The following ERI3 variants were observed in gnomAD, a reference collection of about 807,000 sequenced individuals.
ERI3 encodes ERI1 exoribonuclease family member 3.
ERI3 carries 18 observed loss-of-function variants against 44.4 expected under a neutral mutation model. The observed-to-expected ratio is 0.41, with a 90% CI of 0.28 to 0.60. ERI3 has a LOEUF of 0.60. Ranked by LOEUF, ERI3 falls within the 20% of genes least tolerant of loss-of-function variation. The pLI, the probability that ERI3 is intolerant of heterozygous loss-of-function variation, is 0.36. For synonymous variants in ERI3, 183 were observed against 164.8 expected, an observed-to-expected ratio of 1.11 and a Z score of -0.84; for missense variants, 294 against 435.5, an observed-to-expected ratio of 0.68 and a Z score of 2.89.
rs1646709018 is a variant in ERI3 at position 44,342,857 on chromosome 1, A to ATATT, written c.212-3536_212-3535insAATA. 9.9e-4 allele frequency among the ~76,000 whole-genome samples: 19 copies of ATATT among 19,170 alleles called. 1 individual carries two copies. The highest frequency in any genetic ancestry group is 1.5e-3 in the Non-Finnish European group (17 of 11,082). The allele number at this position is 19,170 out of a possible 152,430, so 12.6% of individuals were successfully genotyped here. A position where few individuals can be genotyped will look rare whatever the true frequency, so the allele number is the denominator to read the frequency against. On this transcript the variant is annotated intron_variant, in intron 2 of 8. Coordinates refer to ENST00000372257, the MANE Select transcript of ERI3 (RefSeq NM_024066.3). ...TATATATATATATATATATATATATATTTTTTTTTTTTTTTTTTTTTTTTT... is the reference window on the plus strand; with the variant it reads ...TATATATATATATATATATATATATATATTTTTTTTTTTTTTTTTTTTTTTTTTT...
chr1:44,229,588 G>C (rs1213564575), intron 8 of ERI3, among the ~76,000 whole-genome samples: 9 of 152,142 alleles, frequency 5.9e-5, no homozygotes, highest in Admixed American at 5.9e-4. Context: ...GTGCGGGCAG[G>C]ACCTGAGAGG....
At chr1:44,309,378 C>A (rs912761601) in intron 5 of ERI3, among the ~76,000 whole-genome samples, 2 of 151,902 alleles carry the variant, frequency 1.3e-5, no homozygotes, top group African/African-American at 4.8e-5. Context: ...GCCTGTAATC[C>A]CAGCTACTTG....
In ERI3 at chr1:44,241,839, C is replaced by A; in HGVS notation, c.931+6100G>T. The A allele has an allele frequency of 2.6e-6, 1 of 380,398 alleles. No homozygotes were observed. The highest frequency in any genetic ancestry group is 2.2e-5 in the African/African-American group (1 of 45,622). The allele number at this position is 380,398 out of a possible 1,614,324, so 23.6% of individuals were successfully genotyped here. Reference sequence around the variant, plus strand: ...ACATACATACATACATACATACATACATACATACATACAGGAGAACCTTCT... The same window carrying A: ...ACATACATACATACATACATACATAAATACATACATACAGGAGAACCTTCT... On this transcript the variant is annotated intron_variant, in intron 8 of 8. Transcript: ENST00000372257. The surrounding 1 kb of genome is among the most constrained non-coding windows in gnomAD (Gnocchi z 5.6).
intron 3 of ERI3, among the ~76,000 whole-genome samples, chr1:44,325,574 T>C (rs867102014): frequency 6.6e-5 from 10 of 152,318 alleles, no homozygotes; most frequent in South Asian, 6.2e-4. Flanking sequence ...AATTTGAAGA[T>C]AGAATAACAA....
chr1:44,353,221 T>C lies in ERI3; in HGVS notation c.136-296A>G, dbSNP rs953098531. On this transcript the variant is annotated intron_variant, in intron 1 of 8. Transcript: ENST00000372257. ...CCTCTGGGTAGTTTCAGAATCCTAG[T>C]CTAGTCAAGGAGGAAGACACTGGTA... The C allele has an allele frequency of 2.3e-5, 23 of 984,684 alleles. 1 individual carries two copies. Among genetic ancestry groups the C allele is most frequent in the Non-Finnish European group, 2.3e-5 (19 of 829,790 alleles). The allele number at this position is 984,684 out of a possible 1,614,324, so 61.0% of individuals were successfully genotyped here. A position where few individuals can be genotyped will look rare whatever the true frequency, so the allele number is the denominator to read the frequency against.
At chr1:44,258,249 C>T (rs936555637) in intron 7 of ERI3, among the ~76,000 whole-genome samples, 1 of 152,196 alleles carries the variant, frequency 6.6e-6, no homozygotes, top group Admixed American at 6.5e-5. Flanking sequence ...AAAGGAGACA[C>T]TAATAGCAGT....
Position 44,241,563 on chromosome 1 carries a change from C to T in ERI3, c.931+6376G>A, listed in dbSNP as rs1221217382. Among the ~76,000 whole-genome samples, 1 of 152,104 alleles carries T rather than the reference C, an allele frequency of 6.6e-6. No individual in the cohort carries two copies. The highest frequency in any genetic ancestry group is 1.5e-5 in the Non-Finnish European group (1 of 68,018). On this transcript the variant is annotated intron_variant, in intron 8 of 8. Transcript: ENST00000372257. The surrounding 1 kb of genome is among the most constrained non-coding windows in gnomAD (Gnocchi z 5.6). ...GGTCCTGCCAGATGGATGCAATTTGCATAATATCAGCAGTGGAGGCTGCAA... is the reference window on the plus strand; with the variant it reads ...GGTCCTGCCAGATGGATGCAATTTGTATAATATCAGCAGTGGAGGCTGCAA...
intron 7 of ERI3, among the ~76,000 whole-genome samples, chr1:44,248,824 T>C (rs1034113610): frequency 1.3e-5 from 2 of 152,014 alleles, no homozygotes; most frequent in Admixed American, 6.5e-5. Context: ...TTCCTGGGGT[T>C]GGGGAAGGAA....
chr1:44,340,674 T>C (rs1377184907), intron 2 of ERI3, among the ~76,000 whole-genome samples: 1 of 152,054 alleles, frequency 6.6e-6, no homozygotes, highest in African/African-American at 2.4e-5. Context: ...GTGTAGGTCC[T>C]CAATTTCCCT....
chr1:44,234,829 G>T (rs982162328), intron 8 of ERI3, among the ~76,000 whole-genome samples: 1 of 151,818 alleles, frequency 6.6e-6, no homozygotes, highest in East Asian at 2.0e-4. Context: ...CTGCATCTCC[G>T]CCTCCCAGGT....
chr1:44,300,903 G>A (rs951950883), intron 6 of ERI3, among the ~76,000 whole-genome samples: 1 of 152,162 alleles, frequency 6.6e-6, no homozygotes. Flanking sequence ...TGCACTGCAC[G>A]ACTGGCTTCA....
chr1:44,257,103 T>C (rs1028808320), intron 7 of ERI3, among the ~76,000 whole-genome samples: 1 of 152,150 alleles, frequency 6.6e-6, no homozygotes, highest in Non-Finnish European at 1.5e-5. Context: ...GTGCTGGGGA[T>C]TGAATGAAAC....
chr1:44,342,042 C>T (rs920834133), intron 2 of ERI3, among the ~76,000 whole-genome samples: 4 of 152,196 alleles, frequency 2.6e-5, no homozygotes, highest in Non-Finnish European at 4.4e-5. Context: ...AGTCAAGAAA[C>T]AGAGGGTAGC....
chr1:44,291,501 C>A (rs1435247919), intron 6 of ERI3, among the ~76,000 whole-genome samples: 3 of 152,140 alleles, frequency 2.0e-5, no homozygotes, highest in Admixed American at 1.3e-4. Flanking sequence ...TTCTATGAGG[C>A]CTTATTTGTA....
intron 6 of ERI3, 128 bp from the exon 7 acceptor site, chr1:44,285,035 G>T (rs1233423977): frequency 9.8e-6 from 7 of 715,472 alleles, no homozygotes; most frequent in Non-Finnish European, 1.4e-5. Context: ...TTAGCCATGG[G>T]TCCCACCCCA....
chr1:44,281,569 CAG>C (rs1160049499), intron 7 of ERI3, among the ~76,000 whole-genome samples: 1 of 131,152 alleles, frequency 7.6e-6, no homozygotes, highest in Non-Finnish European at 1.6e-5. Flanking sequence ...GCCTGGGTGA[CAG>C]AGTGAGACCC....
At chr1:44,311,299 T>C (rs953879474) in intron 5 of ERI3, among the ~76,000 whole-genome samples, 1 of 152,194 alleles carries the variant, frequency 6.6e-6, no homozygotes, top group African/African-American at 2.4e-5. Flanking sequence ...GGCCATTCGC[T>C]TGCACAGCAG....
At chr1:44,226,847 GT>G (rs1419596100) in intron 8 of ERI3, among the ~76,000 whole-genome samples, 6 of 149,172 alleles carry the variant, frequency 4.0e-5, no homozygotes, top group East Asian at 2.0e-4. Context: ...AATACTTTCA[GT>G]TTTTTTAATA....
intron 3 of ERI3, among the ~76,000 whole-genome samples, chr1:44,321,712 T>C (rs1453195579): frequency 6.6e-6 from 1 of 152,158 alleles, no homozygotes; most frequent in Non-Finnish European, 1.5e-5. Context: ...GCCTGGTGAG[T>C]ATGGCTGCCC....
Sources: gnomAD v4.1 joint callset for allele counts (sites outside exome capture counted in the v4.1 genomes callset) on GRCh38, gnomAD v4.1.1 for gene constraint, Gnocchi (gnomAD v3.1) non-coding constraint, MANE v1.5 for transcripts, NCBI Gene and HGNC (gene_info 2026-07-23, HGNC 2026-07-21) for gene names.